Variants in CYP7B1 observed in about 807,000 individuals in gnomAD.
CYP7B1 encodes cytochrome P450 family 7 subfamily B member 1, also known as cytochrome P450 7B1.
CYP7B1 carries 29 observed loss-of-function variants against 42.7 expected under a neutral mutation model. That is an observed-to-expected ratio of 0.68 (90% confidence interval 0.51 to 0.93). The LOEUF (loss-of-function observed/expected upper bound fraction) is 0.93, where lower values mean the gene tolerates loss of function less well. Ranked by LOEUF, CYP7B1 falls within the 40% of genes least tolerant of loss-of-function variation. The pLI is 0.00. For missense variants in CYP7B1, 655 were observed against 600.5 expected (o/e 1.09, Z -0.95); for synonymous variants, 235 against 218.2 (o/e 1.08, Z -0.68).
chr8:64,773,501 A>G (rs912212395), intron 1 of CYP7B1, among the ~76,000 whole-genome samples: 1 of 152,222 alleles, frequency 6.6e-6, no homozygotes, highest in Non-Finnish European at 1.5e-5. Flanking sequence ...ATTGCAAAAA[A>G]TAACAGTACA....
intron 5 of CYP7B1, among the ~76,000 whole-genome samples, chr8:64,599,310 T>A (rs1159014396): frequency 6.6e-6 from 1 of 152,054 alleles, no homozygotes; most frequent in Non-Finnish European, 1.5e-5. Flanking sequence ...TGCCTCAGCC[T>A]CCCAAGTAGC....
At chr8:64,665,359 G>C (rs566914302) in intron 1 of CYP7B1, among the ~76,000 whole-genome samples, 90 of 152,204 alleles carry the variant, frequency 5.9e-4, no homozygotes, top group African/African-American at 2.1e-3. Flanking sequence ...AAGGCTTCAA[G>C]GAGGAGGGGT....
chr8:64,675,412 G>A (rs969669773), intron 1 of CYP7B1, among the ~76,000 whole-genome samples: 2 of 150,324 alleles, frequency 1.3e-5, no homozygotes, highest in Admixed American at 6.6e-5. Context: ...TGCTATTTTT[G>A]TTTGGTAAAT....
Position 64,680,560 on chromosome 8 carries a change from G to A in CYP7B1, c.123-56021C>T, listed in dbSNP as rs531368307. On this transcript the variant is annotated intron_variant, in intron 1 of 5. Coordinates refer to ENST00000310193, the MANE Select transcript of CYP7B1 (RefSeq NM_004820.5). The stretch of plus-strand genomic sequence containing the variant: ...AAATAAAAGTGTCTACAACTTCTAA[G>A]AATTCACAAAAAAAAACCACTGCAT... Among the ~76,000 whole-genome samples, 54 of 140,968 alleles carry A rather than the reference G, an allele frequency of 3.8e-4. No individual in the cohort carries two copies. The South Asian group carries it at 0.011, about 29-fold the overall frequency. The allele number at this position is 140,968 out of a possible 152,430, so 92.5% of individuals were successfully genotyped here. A position where few individuals can be genotyped will look rare whatever the true frequency, so the allele number is the denominator to read the frequency against.
chr8:64,663,124 T>C (rs13274252), intron 1 of CYP7B1, among the ~76,000 whole-genome samples: 1 of 152,238 alleles, frequency 6.6e-6, no homozygotes, highest in African/African-American at 2.4e-5. Context: ...TGAACCTTTG[T>C]TTGATCTTCC....
Position 64,604,554 on chromosome 8 carries a change from T to C in CYP7B1, c.1233+128A>G, listed in dbSNP as rs192777027. The C allele has an allele frequency of 9.8e-6, 9 of 920,406 alleles. No homozygotes were observed. In the East Asian group the frequency reaches 1.7e-4, roughly 17 times the overall value. 57.0% of individuals were successfully genotyped at this position (920,406 alleles called of 1,614,324 possible). A position where few individuals can be genotyped will look rare whatever the true frequency, so the allele number is the denominator to read the frequency against. On this transcript the variant is annotated intron_variant, in intron 5 of 5. Coordinates refer to ENST00000310193, the MANE Select transcript of CYP7B1 (RefSeq NM_004820.5). Reference sequence around the variant, plus strand: ...AGGAAAGCTTTCTTATTAGGAGGAATAATAGAAGCCATCAAGCTGCCTCAA... The same window carrying C: ...AGGAAAGCTTTCTTATTAGGAGGAACAATAGAAGCCATCAAGCTGCCTCAA...
chr8:64,713,152 G>A (rs1807105807), intron 1 of CYP7B1, among the ~76,000 whole-genome samples: 1 of 152,128 alleles, frequency 6.6e-6, no homozygotes. Flanking sequence ...GTTGGTATAT[G>A]TGTAGTATAT....
At chr8:64,707,117 G>GT (rs1807011729) in intron 1 of CYP7B1, among the ~76,000 whole-genome samples, 1 of 152,016 alleles carries the variant, frequency 6.6e-6, no homozygotes, top group Non-Finnish European at 1.5e-5. Context: ...ATATGCGTAT[G>GT]CAAAACAAGC....
At chr8:64,701,650 G>A (rs1458040568) in intron 1 of CYP7B1, among the ~76,000 whole-genome samples, 3 of 152,006 alleles carry the variant, frequency 2.0e-5, no homozygotes, top group Non-Finnish European at 4.4e-5. Flanking sequence ...TCTATTTGAC[G>A]ATAATGTTAA....
rs1359722247 is a variant in CYP7B1 at position 64,594,255 on chromosome 8, T to C, written c.*2387A>G. The stretch of plus-strand genomic sequence containing the variant: ...CCCACAATAACTGTCCTGCTGACAG[T>C]GTCCATCACTGGGTAACTAGATCAT... On this transcript the variant is annotated 3_prime_UTR_variant, in exon 6 of 6. Coordinates refer to ENST00000310193, the MANE Select transcript of CYP7B1 (RefSeq NM_004820.5). Among the ~76,000 whole-genome samples the C allele has an allele frequency of 6.6e-6, 1 of 152,090 alleles. No individual in the cohort carries two copies. Among genetic ancestry groups the C allele is most frequent in the Non-Finnish European group, 1.5e-5 (1 of 68,016 alleles).
At chr8:64,681,780 G>A (rs1023994268) in intron 1 of CYP7B1, among the ~76,000 whole-genome samples, 3 of 152,182 alleles carry the variant, frequency 2.0e-5, no homozygotes, top group Non-Finnish European at 2.9e-5. Flanking sequence ...GCAACCTCAC[G>A]AGAAACCAGT....
At chr8:64,659,124 A>G (rs1362035373) in intron 1 of CYP7B1, among the ~76,000 whole-genome samples, 1 of 152,208 alleles carries the variant, frequency 6.6e-6, no homozygotes, top group Non-Finnish European at 1.5e-5. Context: ...TTTTCACGGT[A>G]ATATACTATA....
At chr8:64,757,961 G>A (rs2129633644) in intron 1 of CYP7B1, among the ~76,000 whole-genome samples, 1 of 152,256 alleles carries the variant, frequency 6.6e-6, no homozygotes, top group Non-Finnish European at 1.5e-5. Context: ...CTAAGTACAA[G>A]TAGGGGCCAT....
At chr8:64,588,608 G>C (rs1278646233), downstream of CYP7B1, among the ~76,000 whole-genome samples, 1 of 152,156 alleles carries the variant, frequency 6.6e-6, no homozygotes, top group Non-Finnish European at 1.5e-5. Flanking sequence ...GGATTTCTCT[G>C]TTACATATCC....
At chr8:64,651,714 T>A (rs1806041983) in intron 1 of CYP7B1, among the ~76,000 whole-genome samples, 1 of 152,188 alleles carries the variant, frequency 6.6e-6, no homozygotes. Flanking sequence ...TTCTGCCATA[T>A]GAGAAAACAG....
Position 64,798,555 on chromosome 8 carries a change from G to C in CYP7B1, c.33C>G (p.Arg11=). Residue 11 remains arginine, a synonymous_variant, in exon 1 of 6, where the codon CGC becomes CGG. Transcript: ENST00000310193. The part of the protein sequence containing the change: MAGEVSAATG[R]FSLERLGLPG... ...GGAGGCCCAACCGCTCCAGCGAAAA[G>C]CGGCCCGTGGCCGCGGACACTTCTC... is the stretch of plus-strand genomic sequence containing the variant. The C allele has an allele frequency of 6.7e-7, 1 of 1,492,136 alleles. No homozygotes were observed. The highest frequency in any genetic ancestry group is 2.4e-4 in the Middle Eastern group (1 of 4,230). 92.4% of individuals were successfully genotyped at this position (1,492,136 alleles called of 1,614,324 possible). A position where few individuals can be genotyped will look rare whatever the true frequency, so the allele number is the denominator to read the frequency against.
intron 1 of CYP7B1, among the ~76,000 whole-genome samples, chr8:64,638,440 A>G (rs2129630914): frequency 6.6e-6 from 1 of 152,258 alleles, no homozygotes. Context: ...ATACAGTAGT[A>G]TATTTCCTAC....
intron 1 of CYP7B1, among the ~76,000 whole-genome samples, chr8:64,693,854 A>C (rs1806785197): frequency 1.3e-5 from 2 of 152,206 alleles, no homozygotes; most frequent in Non-Finnish European, 2.9e-5. Context: ...CCTGTGAGGG[A>C]ATTAGAGAGG....
chr8:64,651,957 A>C (rs1055353623), intron 1 of CYP7B1, among the ~76,000 whole-genome samples: 1 of 152,352 alleles, frequency 6.6e-6, no homozygotes, highest in Middle Eastern at 3.4e-3. Context: ...GTGAGTATTC[A>C]GTAGTGTGTA....
Sources: gnomAD v4.1 joint callset for allele counts (sites outside exome capture counted in the v4.1 genomes callset) on GRCh38, gnomAD v4.1.1 for gene constraint, MANE v1.5 for transcripts, NCBI Gene and HGNC (gene_info 2026-07-23, HGNC 2026-07-21) for gene names.